BRAF: variants seen among roughly 807,000 people sequenced by gnomAD.
BRAF encodes the protein serine/threonine-protein kinase B-raf.
BRAF carries 16 observed loss-of-function variants against 104.6 expected under a neutral mutation model. The observed-to-expected ratio is 0.15, with a 90% CI of 0.10 to 0.23. BRAF has a LOEUF of 0.23. Among genes scored for constraint, BRAF ranks in the 10% least tolerant of loss-of-function variants. BRAF has a pLI of 1.00. For missense variants in BRAF, 541 were observed against 937.3 expected (o/e 0.58, Z 5.52); for synonymous variants, 310 against 341.6 (o/e 0.91, Z 1.02).
intron 7 of BRAF, among the ~76,000 whole-genome samples, chr7:140,795,691 A>G (rs1802423641): frequency 6.6e-6 from 1 of 152,210 alleles, no homozygotes; most frequent in Non-Finnish European, 1.5e-5. Context: ...ATATTATTAA[A>G]GATAAGGAAA....
chr7:140,873,006 A>G (rs1811784224), intron 1 of BRAF, among the ~76,000 whole-genome samples: 1 of 152,178 alleles, frequency 6.6e-6, no homozygotes, highest in Non-Finnish European at 1.5e-5. Context: ...ATAAAAAATC[A>G]TATCAATACT....
At chr7:140,717,904 A>G (rs1392423078), downstream of BRAF, among the ~76,000 whole-genome samples, 1 of 152,164 alleles carries the variant, frequency 6.6e-6, no homozygotes, top group Non-Finnish European at 1.5e-5. Flanking sequence ...TTTTATTTTT[A>G]GCGTGGGTGT....
chr7:140,745,459 A>T (rs528412744), intron 17 of BRAF, among the ~76,000 whole-genome samples: 1 of 152,330 alleles, frequency 6.6e-6, no homozygotes, highest in South Asian at 2.1e-4. Flanking sequence ...TGACTGATGA[A>T]GAAACAGAAA....
rs61646556 is a variant in BRAF at position 140,735,050 on chromosome 7, A to G, written c.2248-280T>C. Among the ~76,000 whole-genome samples the G allele has an allele frequency of 3.6e-3, 547 of 152,312 alleles. 3 individuals carry two copies. Among genetic ancestry groups the G allele is most frequent in the African/African-American group, 0.012 (515 of 41,574 alleles). The stretch of plus-strand genomic sequence containing the variant: ...TAATTCTTAGTCAGCTTTTATTTAT[A>G]TTTTAGATCATTTGTTAGTCTTGAA... On this transcript the variant is annotated intron_variant, in intron 18 of 19. Transcript: ENST00000644969.
intron 2 of BRAF, chr7:140,836,358 A>G (rs576877830): frequency 4.6e-5 from 7 of 152,274 alleles, no homozygotes; most frequent in African/African-American, 1.7e-4. Context: ...ACGCCATGCT[A>G]TCAAGTCTGA....
chr7:140,891,041 A>C (rs1348970909), intron 1 of BRAF, among the ~76,000 whole-genome samples: 1 of 152,254 alleles, frequency 6.6e-6, no homozygotes, highest in Non-Finnish European at 1.5e-5. Flanking sequence ...TTTGCCCTCA[A>C]AGATTTGAAC....
At chr7:140,860,438 G>A (rs1810282220) in intron 1 of BRAF, among the ~76,000 whole-genome samples, 1 of 142,158 alleles carries the variant, frequency 7.0e-6, no homozygotes, top group Non-Finnish European at 1.5e-5. Context: ...CCCAGCACCT[G>A]TGCAACATAG....
intron 1 of BRAF, among the ~76,000 whole-genome samples, chr7:140,880,195 C>G (rs948555891): frequency 1.3e-5 from 2 of 152,204 alleles, no homozygotes; most frequent in African/African-American, 2.4e-5. Context: ...AGTGCTTCAT[C>G]AACTAATTTT....
At chr7:140,765,873 T>A (rs6943643) in intron 14 of BRAF, among the ~76,000 whole-genome samples, 34,552 of 136,890 alleles carry the variant, frequency 0.25, 7,597 homozygotes, top group African/African-American at 0.62. Context: ...TAGTTCAACC[T>A]TTGTGGAAGT....
chr7:140,902,138 T>C (rs1815719435), intron 1 of BRAF, among the ~76,000 whole-genome samples: 1 of 152,258 alleles, frequency 6.6e-6, no homozygotes, highest in Admixed American at 6.5e-5. Context: ...CGAGCAAATC[T>C]GTTGGCACCA....
At chr7:140,766,493 AAAG>A (rs1470893510) in intron 14 of BRAF, among the ~76,000 whole-genome samples, 2 of 150,156 alleles carry the variant, frequency 1.3e-5, no homozygotes, top group South Asian at 2.2e-4. Flanking sequence ...AGAAAAATGG[AAAG>A]AATACCCACA....
chr7:140,869,643 A>G (rs1265623711), intron 1 of BRAF, among the ~76,000 whole-genome samples: 2 of 151,900 alleles, frequency 1.3e-5, no homozygotes, highest in African/African-American at 4.8e-5. Context: ...AAACAAAAAA[A>G]AAAAAAGAAA....
intron 19 of BRAF, chr7:140,733,598 A>T (rs1256833272): frequency 2.0e-5 from 3 of 152,258 alleles, no homozygotes; most frequent in African/African-American, 7.2e-5. Flanking sequence ...ATTCATCATA[A>T]GTAGAATCTT....
intron 3 of BRAF, among the ~76,000 whole-genome samples, chr7:140,816,230 T>C (rs1452072799): frequency 6.6e-6 from 1 of 152,226 alleles, no homozygotes; most frequent in African/African-American, 2.4e-5. Context: ...TTTTACAAAC[T>C]GTACCAATAT....
At chr7:140,756,640 T>C (rs953363587) in intron 14 of BRAF, among the ~76,000 whole-genome samples, 2 of 152,184 alleles carry the variant, frequency 1.3e-5, no homozygotes, top group Non-Finnish European at 2.9e-5. Context: ...TACTTTGCCA[T>C]ATATGACACA....
Position 140,726,397 on chromosome 7 carries a change from T to TA in BRAF, c.*96dup. On this transcript the variant is annotated 3_prime_UTR_variant, in exon 20 of 20. Transcript: ENST00000644969. ...TTATGCATTGGAAATTTTGTATCTT[T>TA]AAAAAAAGATTTGAGGAACAGAACT... 1 of 1,508,874 alleles carries TA rather than the reference T, an allele frequency of 6.6e-7. No individual in the cohort carries two copies. Among genetic ancestry groups the TA allele is most frequent in the East Asian group, 2.5e-5 (1 of 40,578 alleles). The allele number at this position is 1,508,874 out of a possible 1,614,324, so 93.5% of individuals were successfully genotyped here. A position where few individuals can be genotyped will look rare whatever the true frequency, so the allele number is the denominator to read the frequency against.
At chr7:140,865,535 AAG>A (rs1174229299) in intron 1 of BRAF, among the ~76,000 whole-genome samples, 1 of 152,172 alleles carries the variant, frequency 6.6e-6, no homozygotes, top group Non-Finnish European at 1.5e-5. Context: ...ATATGATGAA[AAG>A]AGAGAAAAAT....
At chr7:140,895,084 G>A (rs546470197) in intron 1 of BRAF, among the ~76,000 whole-genome samples, 31 of 152,152 alleles carry the variant, frequency 2.0e-4, no homozygotes, top group African/African-American at 7.0e-4. Flanking sequence ...ATAAAAACCT[G>A]AATTAGGCAA....
intron 3 of BRAF, among the ~76,000 whole-genome samples, chr7:140,813,480 T>G (rs1804498655): frequency 6.6e-6 from 1 of 152,164 alleles, no homozygotes; most frequent in Non-Finnish European, 1.5e-5. Flanking sequence ...CAAATGCAAA[T>G]TTCTCTTTGA....
Sources: gnomAD v4.1 joint callset for allele counts (sites outside exome capture counted in the v4.1 genomes callset) on GRCh38, gnomAD v4.1.1 for gene constraint, MANE v1.5 for transcripts, NCBI Gene and HGNC (gene_info 2026-07-23, HGNC 2026-07-21) for gene names.